TBC1D5: variants seen among roughly 807,000 people sequenced by gnomAD.
TBC1D5 encodes the protein TBC1 domain family, member 5.
A neutral mutation model predicts 100.3 loss-of-function variants in TBC1D5; 75 were observed. The observed-to-expected ratio is 0.75, with a 90% CI of 0.62 to 0.91. The LOEUF is 0.91. Among genes scored for constraint, TBC1D5 ranks in the 40% least tolerant of loss-of-function variants. The probability of loss-of-function intolerance (pLI) is 0.00; values close to 1 mark genes in which losing one functional copy is unlikely to be tolerated. For synonymous variants in TBC1D5, 323 were observed against 325.6 expected, an observed-to-expected ratio of 0.99 and a Z score of 0.09; for missense variants, 910 against 942.4, an observed-to-expected ratio of 0.97 and a Z score of 0.45.
intron 1 of TBC1D5, among the ~76,000 whole-genome samples, chr3:17,671,455 C>T (rs1439735265): frequency 2.6e-5 from 4 of 152,268 alleles, no homozygotes; most frequent in African/African-American, 4.8e-5. Flanking sequence ...CACTGATTGA[C>T]GGCCTCCCCC....
At chr3:17,636,793 T>G (rs2063975407) in intron 1 of TBC1D5, among the ~76,000 whole-genome samples, 1 of 151,098 alleles carries the variant, frequency 6.6e-6, no homozygotes, top group Non-Finnish European at 1.5e-5. Context: ...AGAGCGAGAC[T>G]CCGTCTCAAA....
intron 3 of TBC1D5, among the ~76,000 whole-genome samples, chr3:17,505,808 T>C (rs1450719415): frequency 3.3e-5 from 5 of 152,220 alleles, no homozygotes; most frequent in Non-Finnish European, 7.3e-5. Context: ...TGATCATAGA[T>C]CTTGGAATTT....
chr3:17,455,691 T>A (rs1311531994), intron 3 of TBC1D5, among the ~76,000 whole-genome samples: 3 of 151,694 alleles, frequency 2.0e-5, no homozygotes, highest in Non-Finnish European at 4.4e-5. Flanking sequence ...TACAAAAAAA[T>A]TAACCAGGTG....
chr3:17,706,229 G>A, intron 1 of TBC1D5: 1 of 1,549,284 alleles, frequency 6.5e-7, no homozygotes, highest in African/African-American at 1.4e-5. Flanking sequence ...TGTGGAGGCG[G>A]CGGCCACCAC....
intron 4 of TBC1D5, among the ~76,000 whole-genome samples, chr3:17,425,813 A>T (rs1241213725): frequency 6.7e-6 from 1 of 149,588 alleles, no homozygotes; most frequent in Non-Finnish European, 1.5e-5. Context: ...GAATACAGAA[A>T]ACAAAGTTAC....
At chr3:17,603,545 T>C (rs1033777620) in intron 2 of TBC1D5, among the ~76,000 whole-genome samples, 2 of 152,158 alleles carry the variant, frequency 1.3e-5, no homozygotes, top group African/African-American at 4.8e-5. Context: ...TCCCCACCCC[T>C]TTCCCGGAAA....
Position 17,587,881 on chromosome 3 carries a change from A to C in TBC1D5, c.-36+35968T>G, listed in dbSNP as rs538371004. 2.6e-5 allele frequency among the ~76,000 whole-genome samples: 4 copies of C among 152,138 alleles called. No homozygotes were observed. The South Asian group carries it at 8.3e-4, about 32-fold the overall frequency. On this transcript the variant is annotated intron_variant, in intron 2 of 21. Transcript: ENST00000253692. ...TTTTGTAAAAATACAGACCATTTTT[A>C]TTCTCTTTGGATGCCTGTTTAGAAT...
chr3:17,251,589 C>A (rs563090649), intron 16 of TBC1D5, among the ~76,000 whole-genome samples: 7 of 152,276 alleles, frequency 4.6e-5, no homozygotes, highest in African/African-American at 1.7e-4. Flanking sequence ...CATGTGATTT[C>A]ATGGATAAGA....
chr3:17,431,321 A>G (rs1031800191), intron 3 of TBC1D5, among the ~76,000 whole-genome samples: 1 of 151,986 alleles, frequency 6.6e-6, no homozygotes, highest in Non-Finnish European at 1.5e-5. Context: ...AAACAGCACA[A>G]ATATCTAAAA....
chr3:17,351,008 C>T (rs1268742678), intron 13 of TBC1D5, among the ~76,000 whole-genome samples: 2 of 152,090 alleles, frequency 1.3e-5, no homozygotes, highest in African/African-American at 4.8e-5. Flanking sequence ...CAAGCCAAAG[C>T]TCTAATATTC....
chr3:17,377,011 C>A (rs574977512), intron 9 of TBC1D5, among the ~76,000 whole-genome samples: 13 of 152,076 alleles, frequency 8.5e-5, no homozygotes, highest in Admixed American at 7.2e-4. Flanking sequence ...AACTGTAGAC[C>A]TAAGGAAATT....
chr3:17,543,365 G>C (rs188185994), intron 2 of TBC1D5, among the ~76,000 whole-genome samples: 2 of 152,290 alleles, frequency 1.3e-5, no homozygotes, highest in Admixed American at 1.3e-4. Flanking sequence ...GAGAGTCGTG[G>C]CTCACACCTG....
At chr3:17,231,339 A>G (rs1337453223) in intron 17 of TBC1D5, among the ~76,000 whole-genome samples, 3 of 152,140 alleles carry the variant, frequency 2.0e-5, no homozygotes, top group Admixed American at 1.3e-4. Flanking sequence ...TGCAACCTAC[A>G]CTGCAAGATA....
intron 1 of TBC1D5, among the ~76,000 whole-genome samples, chr3:17,676,256 T>C (rs1260061287): frequency 6.6e-6 from 1 of 152,206 alleles, no homozygotes; most frequent in Admixed American, 6.6e-5. Context: ...ACCTCATTTC[T>C]GCATTTTGTT....
intron 2 of TBC1D5, among the ~76,000 whole-genome samples, chr3:17,593,516 T>C (rs764799655): frequency 6.6e-6 from 1 of 152,168 alleles, no homozygotes; most frequent in African/African-American, 2.4e-5. Flanking sequence ...ACTGGACCTG[T>C]TCCACGATGG....
chr3:17,425,754 T>C (rs1250716934), intron 4 of TBC1D5, among the ~76,000 whole-genome samples: 1 of 152,120 alleles, frequency 6.6e-6, no homozygotes, highest in Non-Finnish European at 1.5e-5. Context: ...AATTCAAAAG[T>C]TAATAAAATC....
At chr3:17,340,888 T>C (rs2088784364) in intron 13 of TBC1D5, among the ~76,000 whole-genome samples, 1 of 152,194 alleles carries the variant, frequency 6.6e-6, no homozygotes, top group Admixed American at 6.5e-5. Context: ...CCCATGTCTC[T>C]GGTACTTTCT....
chr3:17,378,555 G>A (rs1015703267), intron 9 of TBC1D5, among the ~76,000 whole-genome samples: 9 of 151,716 alleles, frequency 5.9e-5, no homozygotes, highest in African/African-American at 2.2e-4. Flanking sequence ...ATGTCTAATA[G>A]TTCTATACCA....
chr3:17,432,316 G>GA lies in TBC1D5; in HGVS notation c.98-3798dup, dbSNP rs1291422184. On this transcript the variant is annotated intron_variant, in intron 3 of 21. Coordinates refer to ENST00000253692, the Ensembl canonical transcript of TBC1D5. ...TTTAAAGGAATTAGTATATACCAAT[G>GA]AAATGTTTTAGTTAACTTTAAAATC... is the stretch of plus-strand genomic sequence containing the variant. Among the ~76,000 whole-genome samples, 32 of 152,150 alleles carry GA rather than the reference G, an allele frequency of 2.1e-4. No homozygotes were observed. In the East Asian group the frequency reaches 5.8e-3, roughly 27 times the overall value.
Sources: allele counts gnomAD v4.1 joint callset (sites outside exome capture counted in the v4.1 genomes callset), GRCh38; gene constraint gnomAD v4.1.1; transcripts MANE v1.5; gene names NCBI Gene and HGNC (gene_info 2026-07-23, HGNC 2026-07-21).